Variants in PPFIBP2 observed in about 807,000 individuals in gnomAD.
PPFIBP2 encodes the protein PPFIB scaffold protein 2.
In PPFIBP2, 118 loss-of-function variants were observed where a neutral mutation model predicts 118.3. That is an observed-to-expected ratio of 1.00 (90% CI 0.86 to 1.16). PPFIBP2 has a LOEUF of 1.16. Among genes scored for constraint, PPFIBP2 ranks in the 50% most tolerant of loss-of-function variants. PPFIBP2 has a pLI of 0.00. For missense variants in PPFIBP2, 1,195 were observed against 1,073.1 expected (o/e 1.11, Z -1.59); for synonymous variants, 414 against 397.4 (o/e 1.04, Z -0.50).
intron 5 of PPFIBP2, among the ~76,000 whole-genome samples, chr11:7,603,749 G>A (rs1222372016): frequency 6.6e-6 from 1 of 152,144 alleles, no homozygotes; most frequent in Non-Finnish European, 1.5e-5. Context: ...CTTAGAAGAA[G>A]TATTTGTCCT....
At chr11:7,631,864 A>T (rs538516885) in intron 11 of PPFIBP2, among the ~76,000 whole-genome samples, 21 of 152,318 alleles carry the variant, frequency 1.4e-4, no homozygotes, top group African/African-American at 4.6e-4. Context: ...TGAACATTGT[A>T]TCTGGCAGAA....
chr11:7,639,581 C>T (rs374048298), intron 14 of PPFIBP2, 151 bp from the exon 15 acceptor site: 9 of 981,030 alleles, frequency 9.2e-6, no homozygotes, highest in South Asian at 2.9e-5. Context: ...TCCCCTTTCT[C>T]GGACTAGCTA....
At chr11:7,535,303 G>A (rs1851097868) in intron 1 of PPFIBP2, among the ~76,000 whole-genome samples, 1 of 152,216 alleles carries the variant, frequency 6.6e-6, no homozygotes, top group South Asian at 2.1e-4. Context: ...GACAGAGATT[G>A]GGGAAGGGGC....
intron 14 of PPFIBP2, among the ~76,000 whole-genome samples, chr11:7,638,624 G>C (rs1443282258): frequency 1.3e-5 from 2 of 152,236 alleles, no homozygotes; most frequent in African/African-American, 4.8e-5. Flanking sequence ...TGACTTGCCA[G>C]TTTGAAATCT....
In PPFIBP2 at chr11:7,611,156, C is replaced by G. The variant is rs190049838; in HGVS notation, c.618+734C>G. On this transcript the variant is annotated intron_variant, in intron 6 of 23. Transcript: ENST00000299492. Reference sequence around the variant, plus strand: ...AGGTTTTAGGTTTAGAAACACCTCGCTCATTTACTGACCTAACTGCTTAAT... The same window carrying G: ...AGGTTTTAGGTTTAGAAACACCTCGGTCATTTACTGACCTAACTGCTTAAT... 2.7e-3 allele frequency among the ~76,000 whole-genome samples: 417 copies of G among 152,332 alleles called. 1 individual carries two copies. Among genetic ancestry groups the G allele is most frequent in the Non-Finnish European group, 4.6e-3 (313 of 68,030 alleles).
chr11:7,661,151 G>T (rs1168314801), downstream of PPFIBP2, among the ~76,000 whole-genome samples: 1 of 150,934 alleles, frequency 6.6e-6, no homozygotes, highest in East Asian at 1.9e-4. Flanking sequence ...ATTTCCTTCA[G>T]TTCTGCTCTG....
intron 1 of PPFIBP2, among the ~76,000 whole-genome samples, chr11:7,531,088 C>T (rs1232611561): frequency 6.6e-6 from 1 of 152,122 alleles, no homozygotes; most frequent in African/African-American, 2.4e-5. Flanking sequence ...AGGGAAGGGG[C>T]TACCTAGTAC....
intron 15 of PPFIBP2, chr11:7,641,154 A>T: frequency 2.7e-6 from 3 of 1,102,204 alleles, no homozygotes; most frequent in Non-Finnish European, 2.5e-6. Context: ...TCAGCCAGGG[A>T]CCCACTACTG....
intron 4 of PPFIBP2, among the ~76,000 whole-genome samples, chr11:7,595,993 T>C (rs1198651076): frequency 6.6e-6 from 1 of 151,976 alleles, no homozygotes; most frequent in East Asian, 1.9e-4. Flanking sequence ...AAAGGTCACA[T>C]TTTATGACCT....
At chr11:7,632,081 T>C (rs555379656) in intron 11 of PPFIBP2, among the ~76,000 whole-genome samples, 1 of 152,306 alleles carries the variant, frequency 6.6e-6, no homozygotes, top group African/African-American at 2.4e-5. Flanking sequence ...GAAGGCACAG[T>C]GTTGTGGTAG....
chr11:7,518,626 G>C (rs1410587934), intron 1 of PPFIBP2, among the ~76,000 whole-genome samples: 1 of 152,038 alleles, frequency 6.6e-6, no homozygotes, highest in East Asian at 1.9e-4. Context: ...GTGGAAGAGG[G>C]GATAACGTAG....
In PPFIBP2 at chr11:7,514,105, CTCGGCCCCGT is replaced by C. The variant is rs1267315595; in HGVS notation, c.-52_-43del. The C allele has an allele frequency of 6.6e-6, 1 of 152,460 alleles. No homozygotes were observed. The highest frequency in any genetic ancestry group is 1.9e-4 in the East Asian group (1 of 5,168). 9.4% of individuals were successfully genotyped at this position (152,460 alleles called of 1,614,324 possible). On this transcript the variant is annotated 5_prime_UTR_variant, in exon 1 of 24. It removes the in-frame stop codon of an upstream open reading frame in the 5' UTR. Coordinates refer to ENST00000299492, the MANE Select transcript of PPFIBP2 (RefSeq NM_003621.5). ...ACACCTGAGCCGCCCGGAGAGGAGC[CTCGGCCCCGT>C]ACCCAGGTCAGTGGGCTCTCCCCAC...
chr11:7,592,395 A>G (rs1219759370), intron 3 of PPFIBP2, among the ~76,000 whole-genome samples: 2 of 152,002 alleles, frequency 1.3e-5, no homozygotes, highest in Non-Finnish European at 2.9e-5. Flanking sequence ...TCTTTTCTAT[A>G]GTTTCTGGCT....
At chr11:7,663,779 G>T in the PPFIBP2 span, among the ~76,000 whole-genome samples, 1 of 152,098 alleles carries the variant, frequency 6.6e-6, no homozygotes, top group Admixed American at 6.5e-5. Context: ...ATCTCAGACT[G>T]CTGTGCTAGC....
At chr11:7,526,277 G>C (rs539715160) in intron 1 of PPFIBP2, among the ~76,000 whole-genome samples, 3 of 152,296 alleles carry the variant, frequency 2.0e-5, no homozygotes, top group African/African-American at 4.8e-5. Flanking sequence ...TGGGGAGCTG[G>C]GAAGAAAAGG....
chr11:7,547,079 G>C (rs553302972), intron 1 of PPFIBP2, among the ~76,000 whole-genome samples: 1 of 152,346 alleles, frequency 6.6e-6, no homozygotes, highest in African/African-American at 2.4e-5. Flanking sequence ...TGCCTCTGTG[G>C]GAAGGTGGCC....
Position 7,650,959 on chromosome 11 carries a change from C to A in PPFIBP2, c.2241C>A (p.Gly747=). ...PNLRGSGVHG[G]LIILEPRFTG... ...TTCGAGGGAGTGGAGTCCATGGAGG[C>A]CTCATTGTGAGTGGCTCTCTGGCCT... The change falls in exon 22 of 24, where the codon GGC becomes GGA. Residue 747 remains glycine (G), a synonymous_variant. Coordinates refer to ENST00000299492, the MANE Select transcript of PPFIBP2 (RefSeq NM_003621.5). 1 of 1,613,156 alleles carries A rather than the reference C, an allele frequency of 6.2e-7. No homozygotes were observed. Among genetic ancestry groups the A allele is most frequent in the African/African-American group, 1.3e-5 (1 of 75,036 alleles).
At chr11:7,587,238 C>A (rs191791199) in intron 3 of PPFIBP2, among the ~76,000 whole-genome samples, 243 of 152,348 alleles carry the variant, frequency 1.6e-3, no homozygotes, top group African/African-American at 5.6e-3. Context: ...CACACAGACA[C>A]TCCCTGTGCC....
intron 9 of PPFIBP2, 85 bp from the exon 10 acceptor site, chr11:7,629,374 C>T: frequency 7.6e-7 from 1 of 1,313,946 alleles, no homozygotes; most frequent in East Asian, 2.3e-5. Flanking sequence ...TCTCCTTGTG[C>T]CAAGAACATA....
Sources: allele counts gnomAD v4.1 joint callset (sites outside exome capture counted in the v4.1 genomes callset), GRCh38; gene constraint gnomAD v4.1.1; transcripts MANE v1.5; gene names NCBI Gene and HGNC (gene_info 2026-07-23, HGNC 2026-07-21).